Variants in ERCC6 observed in about 807,000 individuals in gnomAD.
ERCC6 encodes ERCC excision repair 6, chromatin remodeling factor.
A neutral mutation model predicts 158.7 loss-of-function variants in ERCC6; 116 were observed. That is an observed-to-expected ratio of 0.73 (90% CI 0.63 to 0.85). The LOEUF (loss-of-function observed/expected upper bound fraction) is 0.85, where lower values mean the gene tolerates loss of function less well. ERCC6 is among the 40% of genes least tolerant of loss of function. ERCC6 has a pLI of 0.00. For missense variants in ERCC6, 1,698 were observed against 1,799.4 expected, an observed-to-expected ratio of 0.94 and a Z score of 1.02; for synonymous variants, 678 against 659.3, an observed-to-expected ratio of 1.03 and a Z score of -0.43.
intron 8 of ERCC6, among the ~76,000 whole-genome samples, chr10:49,492,502 T>C (rs922688091): frequency 6.6e-6 from 1 of 152,020 alleles, no homozygotes; most frequent in Non-Finnish European, 1.5e-5. Flanking sequence ...GTTAGACAGA[T>C]GAGAAGAAAA....
intron 5 of ERCC6, among the ~76,000 whole-genome samples, chr10:49,509,337 T>C (rs573246939): frequency 2.0e-5 from 3 of 152,326 alleles, no homozygotes; most frequent in African/African-American, 7.2e-5. Flanking sequence ...ACTATTACTA[T>C]GTTCACTGAA....
At chr10:49,477,437 C>T (rs1210232454) in intron 11 of ERCC6, among the ~76,000 whole-genome samples, 3 of 152,084 alleles carry the variant, frequency 2.0e-5, no homozygotes, top group Non-Finnish European at 4.4e-5. Context: ...AAATTAGGTA[C>T]CATCCCCACC....
intron 5 of ERCC6, 53 bp downstream of exon 5, chr10:49,523,980 T>C: frequency 6.2e-7 from 1 of 1,605,084 alleles, no homozygotes; most frequent in South Asian, 1.1e-5. Flanking sequence ...AATAAACCTG[T>C]CACCTAAGAT....
intron 10 of ERCC6, among the ~76,000 whole-genome samples, chr10:49,481,411 A>G (rs1850977807): frequency 1.3e-5 from 2 of 152,254 alleles, no homozygotes; most frequent in South Asian, 2.1e-4. Flanking sequence ...ACTGAAAATC[A>G]TTCAATCTCA....
rs17177355 is a variant in ERCC6, at chr10:49,475,856, T to C, written c.2382+359A>G. Among the ~76,000 whole-genome samples, 142 of 152,310 alleles carry C rather than the reference T, an allele frequency of 9.3e-4. 2 individuals are homozygous for C. In the East Asian group the frequency reaches 0.024, roughly 25 times the overall value. Reference sequence around the variant, plus strand: ...AATCCTCATGATCCTCTCCACAAGATATATAATTCTGGTCATAATATCTGG... The same window carrying C: ...AATCCTCATGATCCTCTCCACAAGACATATAATTCTGGTCATAATATCTGG... On this transcript the variant is annotated intron_variant, in intron 12 of 20. Coordinates refer to ENST00000355832, the MANE Select transcript of ERCC6 (RefSeq NM_000124.4).
intron 5 of ERCC6, among the ~76,000 whole-genome samples, chr10:49,513,321 T>A (rs542992520): frequency 2.0e-5 from 3 of 152,286 alleles, no homozygotes; most frequent in African/African-American, 7.2e-5. Flanking sequence ...TGTTTTGAGA[T>A]TACATATACA....
intron 7 of ERCC6, among the ~76,000 whole-genome samples, chr10:49,498,948 T>C (rs547995826): frequency 6.6e-6 from 1 of 152,186 alleles, no homozygotes; most frequent in Non-Finnish European, 1.5e-5. Flanking sequence ...TGGGGTTGTC[T>C]AGTTACCAAA....
At position 49,481,598 on chromosome 10, in the gene ERCC6, C is replaced by T. The variant is rs367963492; in HGVS notation, c.2169+1089G>A. 3.9e-5 allele frequency among the ~76,000 whole-genome samples: 6 copies of T among 152,152 alleles called. No individual in the cohort carries two copies. In the East Asian group the frequency reaches 9.6e-4, roughly 24 times the overall value. Reference sequence around the variant, plus strand: ...CACCCAAGAAGGGATGCACAGAAACCGTGCCTCCCACCCAGGCTGCAGCCT... The same window carrying T: ...CACCCAAGAAGGGATGCACAGAAACTGTGCCTCCCACCCAGGCTGCAGCCT... On this transcript the variant is annotated intron_variant, in intron 10 of 20. Transcript: ENST00000355832.
At position 49,516,157 on chromosome 10, in the gene ERCC6, T is replaced by C. The variant is rs539394408; in HGVS notation, c.1397+7876A>G. ...CCGACACCATATTCCTCATGTTTAG[T>C]ATTTGGGTTTTTACCCTGATACGGC... On this transcript the variant is annotated intron_variant, in intron 5 of 20. Transcript: ENST00000355832. 1.4e-4 allele frequency: 222 copies of C among 1,614,132 alleles called. No homozygotes were observed. In the South Asian group the frequency reaches 2.3e-3, roughly 17 times the overall value.
intron 6 of ERCC6, 56 bp from the exon 7 acceptor site, chr10:49,500,752 G>A (rs1851343037): frequency 6.3e-7 from 1 of 1,578,248 alleles, no homozygotes; most frequent in South Asian, 1.1e-5. Flanking sequence ...GGATAATACA[G>A]ATCATAACAG....
At chr10:49,435,513 C>T in the ERCC6 span, among the ~76,000 whole-genome samples, 71 of 152,150 alleles carry the variant, frequency 4.7e-4, no homozygotes, top group Non-Finnish European at 1.3e-4. Flanking sequence ...AAATCAATTA[C>T]AGAAAGACAG....
chr10:49,436,917 TATC>T, the ERCC6 span, among the ~76,000 whole-genome samples: 1 of 152,234 alleles, frequency 6.6e-6, no homozygotes, highest in Admixed American at 6.5e-5. Context: ...CAAAATGGCA[TATC>T]ATACCATGGT....
Position 49,459,063 on chromosome 10 carries a change from G to A in ERCC6, c.4234C>T (p.Leu1412=). ...PERLESESGH[L]QEASALLPTT... ...GGCAGCAGGGCAGAAGCTTCCTGCAGGTGCCCGCTTTCACTTTCTAAACGC... is the reference window on the plus strand; with the variant it reads ...GGCAGCAGGGCAGAAGCTTCCTGCAAGTGCCCGCTTTCACTTTCTAAACGC... The change falls in exon 21 of 21, where the codon CTG becomes TTG. Residue 1412 remains leucine (L), a synonymous_variant. Coordinates refer to ENST00000355832, the MANE Select transcript of ERCC6 (RefSeq NM_000124.4). 1 of 1,614,176 alleles carries A rather than the reference G, an allele frequency of 6.2e-7. No individual in the cohort carries two copies. Among genetic ancestry groups the A allele is most frequent in the South Asian group, 1.1e-5 (1 of 91,086 alleles).
the ERCC6 span, among the ~76,000 whole-genome samples, chr10:49,447,454 G>A: frequency 3.3e-5 from 5 of 152,248 alleles, no homozygotes; most frequent in Non-Finnish European, 7.4e-5. Flanking sequence ...TTGGGAGGCC[G>A]AGGCGGGCAG....
chr10:49,452,500 C>A (rs1850431398), downstream of ERCC6, among the ~76,000 whole-genome samples: 1 of 152,078 alleles, frequency 6.6e-6, no homozygotes, highest in Non-Finnish European at 1.5e-5. Context: ...CATGGTCTAG[C>A]ATAAGGCCTA....
At chr10:49,537,797 A>C (rs1837638055) in intron 1 of ERCC6, among the ~76,000 whole-genome samples, 2 of 152,018 alleles carry the variant, frequency 1.3e-5, no homozygotes, top group African/African-American at 4.8e-5. Context: ...CGCCAGGCTC[A>C]CTGCAACCTC....
chr10:49,516,334 C>G, intron 5 of ERCC6: 2 of 1,614,088 alleles, frequency 1.2e-6, no homozygotes, highest in Non-Finnish European at 1.7e-6. Flanking sequence ...TCATTTGGAA[C>G]AAATTTCATG....
In ERCC6 at chr10:49,524,640, T is replaced by A; in HGVS notation, c.790A>T (p.Met264Leu). The change falls in exon 5 of 21, where the codon ATG (methionine) becomes TTG (leucine). Residue 264 changes from methionine (M) to leucine (L), a missense_variant. Physicochemically the swap from Met to Leu is conservative, Grantham distance 15. Coordinates refer to ENST00000355832, the MANE Select transcript of ERCC6 (RefSeq NM_000124.4). ...QKQEKKPRKI[M>L]LNEASGFEKY... The stretch of plus-strand genomic sequence containing the variant: ...TCGAAGCCTGATGCTTCATTAAGCA[T>A]GATTTTTCTGGGCTTTTTCTCCTGT... The A allele has an allele frequency of 1.2e-6, 2 of 1,614,196 alleles. No individual in the cohort carries two copies. Among genetic ancestry groups the A allele is most frequent in the Non-Finnish European group, 1.7e-6 (2 of 1,180,038 alleles).
intron 5 of ERCC6, among the ~76,000 whole-genome samples, chr10:49,520,862 C>G (rs1304532577): frequency 6.6e-6 from 1 of 152,186 alleles, no homozygotes; most frequent in Non-Finnish European, 1.5e-5. Context: ...AATGTGCCTC[C>G]AAAGCAAAGC....
Sources: allele counts gnomAD v4.1 joint callset (sites outside exome capture counted in the v4.1 genomes callset), GRCh38; gene constraint gnomAD v4.1.1; transcripts MANE v1.5; gene names NCBI Gene and HGNC (gene_info 2026-07-23, HGNC 2026-07-21).